The following KCMF1 variants were observed in gnomAD, a reference collection of about 807,000 sequenced individuals.
KCMF1 encodes the protein potassium channel modulatory factor 1.
A neutral mutation model predicts 41.1 loss-of-function variants in KCMF1; 3 were observed. The observed-to-expected ratio is 0.07, with a 90% CI of 0.03 to 0.19. KCMF1 has a LOEUF of 0.19. Ranked by LOEUF, KCMF1 falls within the 10% of genes least tolerant of loss-of-function variation. KCMF1 has a pLI of 1.00. For synonymous variants in KCMF1, 142 were observed against 164.5 expected (o/e 0.86, Z 1.04); for missense variants, 286 against 488.9 (o/e 0.58, Z 3.91).
chr2:84,975,124 C>T (rs962735031), intron 1 of KCMF1, among the ~76,000 whole-genome samples: 5 of 151,950 alleles, frequency 3.3e-5, no homozygotes, highest in South Asian at 2.1e-4. Flanking sequence ...GGTGGTGGAC[C>T]GGCCGTGGTG....
intron 1 of KCMF1, among the ~76,000 whole-genome samples, chr2:84,985,147 C>T (rs907014372): frequency 6.6e-6 from 1 of 152,086 alleles, no homozygotes. Flanking sequence ...CTTGGAACAG[C>T]ACAGAGGCCA....
chr2:84,996,430 A>ATTTTTTTTTTTTTT (rs869089697), intron 1 of KCMF1, among the ~76,000 whole-genome samples: 23 of 124,058 alleles, frequency 1.9e-4, no homozygotes, highest in African/African-American at 7.6e-4. Flanking sequence ...ATAACCTAAG[A>ATTTTTTTTTTTTTT]TTTTTTTTTT....
intron 2 of KCMF1, among the ~76,000 whole-genome samples, chr2:85,028,772 G>A (rs1206162363): frequency 1.3e-5 from 2 of 151,920 alleles, no homozygotes; most frequent in Non-Finnish European, 2.9e-5. Context: ...ACAGGCGTAA[G>A]CCACCGCGCC....
Position 85,053,197 on chromosome 2 carries a change from G to A in KCMF1, c.934G>A (p.Glu312Lys), listed in dbSNP as rs1281852339. The A allele has an allele frequency of 7.4e-6, 12 of 1,613,818 alleles. No individual in the cohort carries two copies. The highest frequency in any genetic ancestry group is 3.3e-5 in the Admixed American group (2 of 59,998). ...SETERQSMES[E>K]RADRSLFVQE... The stretch of plus-strand genomic sequence containing the variant: ...AACGGAGCGCCAGTCCATGGAAAGC[G>A]AGCGTGCAGACCGCAGCCTGTTTGT... Residue 312 changes from glutamate (E) to lysine (K), a missense_variant, in exon 7 of 7, where the codon GAG (glutamate) becomes AAG (lysine). Coordinates refer to ENST00000409785, the MANE Select transcript of KCMF1 (RefSeq NM_020122.5).
chr2:85,032,985 T>C (rs894398330), intron 2 of KCMF1, among the ~76,000 whole-genome samples: 2 of 152,240 alleles, frequency 1.3e-5, no homozygotes, highest in Non-Finnish European at 2.9e-5. Context: ...ACACTTGTCT[T>C]GTTCTGATCT....
At chr2:85,030,777 G>A (rs1675248145) in intron 2 of KCMF1, among the ~76,000 whole-genome samples, 1 of 152,116 alleles carries the variant, frequency 6.6e-6, no homozygotes, top group Non-Finnish European at 1.5e-5. Flanking sequence ...GCTCACTGCA[G>A]CCTCCGCTTC....
chr2:85,012,407 A>G (rs754403192), intron 1 of KCMF1, among the ~76,000 whole-genome samples: 23 of 152,226 alleles, frequency 1.5e-4, no homozygotes, highest in Admixed American at 2.6e-4. Flanking sequence ...GTATAATTAT[A>G]CTGTATTTGT....
At chr2:85,024,202 C>T (rs762991825) in intron 1 of KCMF1, among the ~76,000 whole-genome samples, 2 of 152,172 alleles carry the variant, frequency 1.3e-5, no homozygotes, top group East Asian at 1.9e-4. Flanking sequence ...AAAGGCCGAG[C>T]GTGGTGGCTC....
chr2:85,007,101 CAAAAAAAAAAA>C (rs764401140), intron 1 of KCMF1, among the ~76,000 whole-genome samples: 4 of 51,904 alleles, frequency 7.7e-5, no homozygotes, highest in Non-Finnish European at 1.2e-4. Context: ...AACTCAGTCT[CAAAAAAAAAAA>C]AAAAAAAAAA....
chr2:85,005,944 T>C (rs1356617552), intron 1 of KCMF1, among the ~76,000 whole-genome samples: 1 of 152,210 alleles, frequency 6.6e-6, no homozygotes, highest in Non-Finnish European at 1.5e-5. Context: ...TATTTGAAAA[T>C]ATACAATAAA....
chr2:84,988,901 G>A (rs1230276179), intron 1 of KCMF1, among the ~76,000 whole-genome samples: 4 of 152,162 alleles, frequency 2.6e-5, no homozygotes, highest in Non-Finnish European at 5.9e-5. Flanking sequence ...GCAGCCATGA[G>A]ACTTTGTATA....
In KCMF1 at chr2:85,043,685, C is replaced by T. The variant is rs919966666; in HGVS notation, c.426+20C>T. 2.1e-6 allele frequency: 3 copies of T among 1,452,240 alleles called. No individual in the cohort carries two copies. Among genetic ancestry groups the T allele is most frequent in the African/African-American group, 2.8e-5 (2 of 71,844 alleles). 90.0% of individuals were successfully genotyped at this position (1,452,240 alleles called of 1,614,324 possible). On this transcript the variant is annotated intron_variant, in intron 4 of 6. Coordinates refer to ENST00000409785, the MANE Select transcript of KCMF1 (RefSeq NM_020122.5). ...GATTTAATATCCTTTTAAGAGATGA[C>T]AAGGAAAAGAGTTGTTTGTAATGTT... is the stretch of plus-strand genomic sequence containing the variant.
chr2:84,988,679 A>G (rs2103974436), intron 1 of KCMF1, among the ~76,000 whole-genome samples: 1 of 152,322 alleles, frequency 6.6e-6, no homozygotes, highest in Non-Finnish European at 1.5e-5. Context: ...TGAGTTTCAG[A>G]GAGGTTAGGT....
chr2:84,999,544 T>TA (rs1674277238), intron 1 of KCMF1, among the ~76,000 whole-genome samples: 1 of 152,232 alleles, frequency 6.6e-6, no homozygotes, highest in Non-Finnish European at 1.5e-5. Flanking sequence ...AATCTGACGT[T>TA]ACAGTGAAAT....
intron 3 of KCMF1, among the ~76,000 whole-genome samples, chr2:85,041,019 C>G (rs1226871034): frequency 6.6e-6 from 1 of 152,072 alleles, no homozygotes; most frequent in African/African-American, 2.4e-5. Flanking sequence ...CTCAGCCTTC[C>G]AAAGTGCTGG....
At chr2:84,994,793 A>G (rs1240969738) in intron 1 of KCMF1, among the ~76,000 whole-genome samples, 1 of 152,208 alleles carries the variant, frequency 6.6e-6, no homozygotes, top group Non-Finnish European at 1.5e-5. Context: ...ATCAGGATCC[A>G]GATAAGATCC....
intron 1 of KCMF1, among the ~76,000 whole-genome samples, chr2:85,003,799 A>ACAGGC (rs942368659): frequency 1.3e-5 from 2 of 152,106 alleles, no homozygotes; most frequent in Non-Finnish European, 2.9e-5. Flanking sequence ...ACAGGACCTT[A>ACAGGC]CAGGCCCAAG....
At chr2:85,037,696 A>G (rs1439541262) in intron 3 of KCMF1, among the ~76,000 whole-genome samples, 5 of 152,184 alleles carry the variant, frequency 3.3e-5, no homozygotes, top group Non-Finnish European at 7.3e-5. Context: ...TCCTCTTAAC[A>G]TATTCCTTTC....
At chr2:85,034,703 C>T (rs925948964) in intron 2 of KCMF1, among the ~76,000 whole-genome samples, 1 of 152,188 alleles carries the variant, frequency 6.6e-6, no homozygotes, top group Non-Finnish European at 1.5e-5. Context: ...CTCACTGCAA[C>T]CTCTGCCTTC....
Sources: allele counts gnomAD v4.1 joint callset (sites outside exome capture counted in the v4.1 genomes callset), GRCh38; gene constraint gnomAD v4.1.1; transcripts MANE v1.5; gene names NCBI Gene and HGNC (gene_info 2026-07-23, HGNC 2026-07-21).